RGS7: variants seen among roughly 807,000 people sequenced by gnomAD.
RGS7 encodes the protein regulator of G protein signaling 7, also known as regulator of G-protein signaling 7.
In RGS7, 27 loss-of-function variants were observed where a neutral mutation model predicts 81.1. The observed-to-expected ratio is 0.33, with a 90% CI of 0.25 to 0.46. RGS7 has a LOEUF of 0.46. Among genes scored for constraint, RGS7 ranks in the 20% least tolerant of loss-of-function variants. The pLI is 1.00. For synonymous variants in RGS7, 208 were observed against 207.7 expected, an observed-to-expected ratio of 1.00 and a Z score of -0.01; for missense variants, 396 against 607.4, an observed-to-expected ratio of 0.65 and a Z score of 3.66.
intron 4 of RGS7, among the ~76,000 whole-genome samples, chr1:240,938,481 A>C (rs112888002): frequency 0.017 from 2,652 of 152,284 alleles, 78 homozygotes; most frequent in African/African-American, 0.06. Context: ...TAGCTATGGT[A>C]CAGCAAAGCA....
intron 2 of RGS7, among the ~76,000 whole-genome samples, chr1:241,109,415 TTTTAG>T (rs2065358894): frequency 6.6e-6 from 1 of 152,130 alleles, no homozygotes; most frequent in Admixed American, 6.6e-5. Context: ...AGATCTTTAT[TTTTAG>T]TTTAAATTTT....
chr1:241,042,018 A>T (rs1467695771), intron 3 of RGS7, among the ~76,000 whole-genome samples: 1 of 152,172 alleles, frequency 6.6e-6, no homozygotes, highest in Non-Finnish European at 1.5e-5. Context: ...AACCATAGTG[A>T]CTAAGATACT....
At chr1:240,870,181 T>C (rs373536218) in intron 6 of RGS7, 62 bp from the exon 7 acceptor site, 71 of 1,396,198 alleles carry the variant, frequency 5.1e-5, no homozygotes, top group Non-Finnish European at 7.0e-5. Context: ...TAAGTAAAAG[T>C]ACAACATTAC....
At chr1:241,315,254 G>A (rs774237537) in intron 2 of RGS7, among the ~76,000 whole-genome samples, 2 of 151,242 alleles carry the variant, frequency 1.3e-5, no homozygotes, top group Non-Finnish European at 2.9e-5. Flanking sequence ...GCTTCAGCTT[G>A]AATTATTTGA....
chr1:241,235,727 C>T (rs115971149), intron 2 of RGS7, among the ~76,000 whole-genome samples: 4,565 of 147,730 alleles, frequency 0.031, 95 homozygotes, highest in Non-Finnish European at 0.04. Context: ...CCTTCCTTTC[C>T]TTTCCTTCTC....
chr1:240,885,719 G>A (rs1056035524), intron 6 of RGS7, among the ~76,000 whole-genome samples: 1 of 152,130 alleles, frequency 6.6e-6, no homozygotes, highest in Non-Finnish European at 1.5e-5. Flanking sequence ...ACACGAAGAG[G>A]GGAGCAACAG....
intron 15 of RGS7, among the ~76,000 whole-genome samples, chr1:240,805,463 A>G (rs909313500): frequency 6.6e-6 from 1 of 152,192 alleles, no homozygotes; most frequent in Non-Finnish European, 1.5e-5. Context: ...AAGTTTCAAC[A>G]TTTTTTGAGA....
chr1:240,803,725 G>T (rs1688378308), intron 15 of RGS7, among the ~76,000 whole-genome samples: 1 of 151,988 alleles, frequency 6.6e-6, no homozygotes, highest in Non-Finnish European at 1.5e-5. Context: ...ATCTAGGGAG[G>T]TTCCACTCTG....
At chr1:240,796,499 A>G (rs1245196401) in intron 18 of RGS7, among the ~76,000 whole-genome samples, 5 of 152,140 alleles carry the variant, frequency 3.3e-5, no homozygotes, top group Admixed American at 2.0e-4. Flanking sequence ...CAGCCTGCCC[A>G]ACATGGTGAA....
chr1:240,911,230 T>A (rs923573840), intron 6 of RGS7, among the ~76,000 whole-genome samples: 15 of 152,106 alleles, frequency 9.9e-5, no homozygotes, highest in African/African-American at 3.6e-4. Context: ...TCTTTCTCTG[T>A]CTTTTTCCCC....
At chr1:241,320,035 G>A (rs995877247) in intron 2 of RGS7, among the ~76,000 whole-genome samples, 5 of 152,158 alleles carry the variant, frequency 3.3e-5, no homozygotes, top group African/African-American at 4.8e-5. Flanking sequence ...AGGTTGCAGT[G>A]AGCTGAGATT....
chr1:240,881,127 A>G (rs542212256), intron 6 of RGS7, among the ~76,000 whole-genome samples: 103 of 152,348 alleles, frequency 6.8e-4, no homozygotes, highest in African/African-American at 2.3e-3. Flanking sequence ...AAAGATAATT[A>G]TGTTCTTTAA....
At chr1:240,988,050 C>A (rs1685935140) in intron 3 of RGS7, among the ~76,000 whole-genome samples, 1 of 152,036 alleles carries the variant, frequency 6.6e-6, no homozygotes, top group African/African-American at 2.4e-5. Context: ...ATTAACTGAT[C>A]TGTCAGTCCC....
intron 3 of RGS7, among the ~76,000 whole-genome samples, chr1:241,073,954 G>A (rs924500885): frequency 1.3e-5 from 2 of 150,842 alleles, no homozygotes; most frequent in African/African-American, 4.9e-5. Flanking sequence ...AGGCTGGAGT[G>A]CAGTGGCACG....
chr1:240,972,651 C>T (rs1237125435), intron 4 of RGS7, among the ~76,000 whole-genome samples: 4 of 139,762 alleles, frequency 2.9e-5, no homozygotes, highest in Non-Finnish European at 6.1e-5. Flanking sequence ...ACATATGTAA[C>T]TAACCTGCAC....
chr1:240,859,990 TTAATC>T (rs1661904303), intron 9 of RGS7, among the ~76,000 whole-genome samples: 1 of 152,226 alleles, frequency 6.6e-6, no homozygotes, highest in Non-Finnish European at 1.5e-5. Flanking sequence ...AGTGTGTTGT[TTAATC>T]TACTAGTATT....
intron 2 of RGS7, among the ~76,000 whole-genome samples, chr1:241,207,731 T>A (rs1025391722): frequency 6.6e-6 from 1 of 152,154 alleles, no homozygotes; most frequent in Non-Finnish European, 1.5e-5. Flanking sequence ...AATATCTTAT[T>A]CTCCAAAATC....
At chr1:240,879,788 C>T (rs1666074046) in intron 6 of RGS7, among the ~76,000 whole-genome samples, 1 of 152,116 alleles carries the variant, frequency 6.6e-6, no homozygotes, top group South Asian at 2.1e-4. Context: ...CCAGTCTTTC[C>T]AACTTTTTTA....
chr1:241,107,973 T>TA (rs1290836197), intron 2 of RGS7, among the ~76,000 whole-genome samples: 1 of 151,748 alleles, frequency 6.6e-6, no homozygotes, highest in Non-Finnish European at 1.5e-5. Flanking sequence ...CTCAAAAAAA[T>TA]AAGAGTGGGT....
Sources: gnomAD v4.1 joint callset for allele counts (sites outside exome capture counted in the v4.1 genomes callset) on GRCh38, gnomAD v4.1.1 for gene constraint, MANE v1.5 for transcripts, NCBI Gene and HGNC (gene_info 2026-07-23, HGNC 2026-07-21) for gene names.